The following ARL10 variants were observed in gnomAD, a reference collection of about 807,000 sequenced individuals.
The protein encoded by ARL10 is ADP-ribosylation factor-like protein 10.
In ARL10, 23 loss-of-function variants were observed where a neutral mutation model predicts 26.1. The ratio of observed to expected loss-of-function variants is 0.88; its 90% CI spans 0.63 to 1.25. The LOEUF is 1.25. Ranked by LOEUF, ARL10 falls within the 50% of genes most tolerant of loss-of-function variation. ARL10 has a pLI of 0.00. For synonymous variants in ARL10, 138 were observed against 149.1 expected, an observed-to-expected ratio of 0.93 and a Z score of 0.54; for missense variants, 300 against 323.6, an observed-to-expected ratio of 0.93 and a Z score of 0.56.
chr5:176,384,499 G>A (rs1200504258), downstream of ARL10: 2 of 922,360 alleles, frequency 2.2e-6, no homozygotes, highest in Non-Finnish European at 3.3e-6. Context: ...CTCAAAGGCT[G>A]TGGTGCACCG....
chr5:176,370,526 T>C (rs1197863874), intron 3 of ARL10, among the ~76,000 whole-genome samples: 1 of 152,140 alleles, frequency 6.6e-6, no homozygotes, highest in Non-Finnish European at 1.5e-5. Context: ...TAGGAAACAT[T>C]TGACAATTAT....
At chr5:176,397,901 A>C in intron 1 of ARL10, 1 of 1,596,622 alleles carries the variant, frequency 6.3e-7, no homozygotes, top group Non-Finnish European at 8.6e-7. Flanking sequence ...CAGCCCACCC[A>C]GCCAACCCCG....
downstream of ARL10, chr5:176,383,849 C>T (rs1581402015): frequency 1.2e-6 from 1 of 833,262 alleles, no homozygotes; most frequent in Non-Finnish European, 1.8e-6. Context: ...CACTTGCTGA[C>T]AGGCGGGATG....
chr5:176,396,131 A>G (rs1425495143), intron 1 of ARL10, among the ~76,000 whole-genome samples: 2 of 152,162 alleles, frequency 1.3e-5, no homozygotes, highest in Non-Finnish European at 2.9e-5. Context: ...GCGAAACTCC[A>G]TCTCAAAAAA....
chr5:176,388,769 CG>C (rs754684969), downstream of ARL10: 3 of 1,593,510 alleles, frequency 1.9e-6, no homozygotes, highest in Non-Finnish European at 2.6e-6. Flanking sequence ...TGACCTTCAC[CG>C]GGAGGCTGAG....
Position 176,372,142 on chromosome 5 carries a change from C to G in ARL10, c.*247C>G. On this transcript the variant is annotated 3_prime_UTR_variant, in exon 4 of 4. Coordinates refer to ENST00000310389, the MANE Select transcript of ARL10 (RefSeq NM_173664.6). ...TGGGGAGGATAGTGTCTGGCTCATT[C>G]CAGGCTGGAATGTGGATCCAGCTTT... 1 of 1,309,506 alleles carries G rather than the reference C, an allele frequency of 7.6e-7. No individual in the cohort carries two copies. Among genetic ancestry groups the G allele is most frequent in the South Asian group, 1.7e-5 (1 of 59,644 alleles). The allele number at this position is 1,309,506 out of a possible 1,614,324, so 81.1% of individuals were successfully genotyped here. A position where few individuals can be genotyped will look rare whatever the true frequency, so the allele number is the denominator to read the frequency against.
downstream of ARL10, among the ~76,000 whole-genome samples, chr5:176,383,691 A>C (rs1466317496): frequency 3.3e-5 from 5 of 152,152 alleles, no homozygotes; most frequent in Non-Finnish European, 5.9e-5. Context: ...TAGTGGGGGG[A>C]CTAGCGTGGG....
downstream of ARL10, chr5:176,383,965 T>C: frequency 6.6e-7 from 1 of 1,520,022 alleles, no homozygotes; most frequent in Middle Eastern, 1.7e-4. Context: ...TTTGCTTTAT[T>C]ATGTACACAC....
At chr5:176,388,105 G>A in intron 1 of ARL10, 1 of 664,464 alleles carries the variant, frequency 1.5e-6, no homozygotes, top group Non-Finnish European at 2.6e-6. Flanking sequence ...TGAGCGTTCT[G>A]ACTGTGGGGA....
chr5:176,383,094 C>G (rs577072680), downstream of ARL10, among the ~76,000 whole-genome samples: 87 of 152,236 alleles, frequency 5.7e-4, 2 homozygotes, highest in African/African-American at 2.0e-3. Context: ...AGACAGCAAG[C>G]AGAAAGCCTA....
At chr5:176,401,777 C>G (rs747532701) in exon 2 of ARL10, 1 of 456,070 alleles carries the variant, frequency 2.2e-6, no homozygotes. Context: ...AACAATTTCC[C>G]GAGGGTGCTG....
chr5:176,394,035 G>A (rs1756377279), intron 1 of ARL10, among the ~76,000 whole-genome samples: 1 of 152,238 alleles, frequency 6.6e-6, no homozygotes, highest in Non-Finnish European at 1.5e-5. Context: ...CTCTAGGGAT[G>A]CTGGCTGTAT....
chr5:176,374,457 AC>A lies in ARL10; in HGVS notation c.*2563del, dbSNP rs1179474640. ...GTACAAAGGATGACTGCATTGGTGT[AC>A]TTAAGACTACAACACATCAGTGGGG... On this transcript the variant is annotated 3_prime_UTR_variant, in exon 4 of 4. Transcript: ENST00000310389. The A allele has an allele frequency of 1.3e-5, 2 of 152,350 alleles. No homozygotes were observed. Among genetic ancestry groups the A allele is most frequent in the Admixed American group, 1.3e-4 (2 of 15,308 alleles). 9.4% of individuals were successfully genotyped at this position (152,350 alleles called of 1,614,324 possible). A position where few individuals can be genotyped will look rare whatever the true frequency, so the allele number is the denominator to read the frequency against.
rs778830758 is a variant in ARL10, at chr5:176,369,092, G to A, written c.561+110G>A. ...ATGGCCTGGAGAGGGTGGCTGAGAT[G>A]CTGCCCCCACCTCTTCTACCTATGC... On this transcript the variant is annotated intron_variant, in intron 3 of 3. Transcript: ENST00000310389. 1.3e-5 allele frequency: 20 copies of A among 1,540,712 alleles called. No individual in the cohort carries two copies. In the South Asian group the frequency reaches 2.3e-4, roughly 17 times the overall value.
In ARL10 at chr5:176,366,373, C is replaced by A; in HGVS notation, c.184-7C>A. On this transcript the variant is annotated splice_polypyrimidine_tract_variant and splice_region_variant and intron_variant, in intron 1 of 3. Transcript: ENST00000310389. The stretch of plus-strand genomic sequence containing the variant: ...CCAGCCGCAACCTTACCTCCGCTTC[C>A]CCGCAGCCCGAGGACGAGGAGGACG... 2 of 1,604,352 alleles carry A rather than the reference C, an allele frequency of 1.2e-6. No individual in the cohort carries two copies. The highest frequency in any genetic ancestry group is 1.7e-6 in the Non-Finnish European group (2 of 1,178,242).
At chr5:176,411,914 T>A in the ARL10 span, among the ~76,000 whole-genome samples, 3 of 152,070 alleles carry the variant, frequency 2.0e-5, no homozygotes, top group African/African-American at 7.2e-5. Context: ...TGGTGGCTTA[T>A]GCCTGTAATC....
chr5:176,371,746 G>A lies in ARL10; in HGVS notation c.586G>A (p.Gly196Arg), dbSNP rs1768553850. The A allele has an allele frequency of 1.9e-6, 3 of 1,614,088 alleles. No homozygotes were observed. The highest frequency in any genetic ancestry group is 1.7e-5 in the Admixed American group (1 of 60,008). The change falls in exon 4 of 4, where the codon GGG becomes AGG. Residue 196 changes from glycine to arginine, a missense_variant. Physicochemically the swap from Gly to Arg is moderately radical, Grantham distance 125. Transcript: ENST00000310389. Reference sequence around the variant, plus strand: ...GGACCTGAGCGAGGCCATGAGTATGGGGGAGCTGCAGCGGGAGCTGGGTCT... The same window carrying A: ...GGACCTGAGCGAGGCCATGAGTATGAGGGAGCTGCAGCGGGAGCTGGGTCT... ...KQDLSEAMSM[G>R]ELQRELGLQA...
At chr5:176,365,823 C>G in intron 1 of ARL10, 77 bp downstream of exon 1, 1 of 1,221,270 alleles carries the variant, frequency 8.2e-7, no homozygotes, top group Non-Finnish European at 1.0e-6. Context: ...AGGGGTGTGA[C>G]CACGGAACGG....
downstream of ARL10, chr5:176,405,503 A>AAAAAGAAAAAG: frequency 6.9e-6 from 1 of 144,024 alleles, no homozygotes. Context: ...AAAAAAAAAA[A>AAAAAGAAAAAG]AAAAAGAAAA....
Sources: allele counts gnomAD v4.1 joint callset (sites outside exome capture counted in the v4.1 genomes callset), GRCh38; gene constraint gnomAD v4.1.1; transcripts MANE v1.5; gene names NCBI Gene and HGNC (gene_info 2026-07-23, HGNC 2026-07-21).